The following ACBD4 variants were observed in gnomAD, a reference collection of about 807,000 sequenced individuals.
ACBD4 encodes acyl-CoA binding domain containing 4.
ACBD4 carries 41 observed loss-of-function variants against 46.0 expected under a neutral mutation model. The observed-to-expected ratio is 0.89, with a 90% CI of 0.69 to 1.16. ACBD4 has a LOEUF of 1.16. Ranked by LOEUF, ACBD4 falls within the 50% of genes most tolerant of loss-of-function variation. The probability of loss-of-function intolerance (pLI) is 0.00; values close to 1 mark genes in which losing one functional copy is unlikely to be tolerated. For missense variants in ACBD4, 393 were observed against 399.5 expected, an observed-to-expected ratio of 0.98 and a Z score of 0.14; for synonymous variants, 162 against 155.9, an observed-to-expected ratio of 1.04 and a Z score of -0.29.
At chr17:45,136,891 C>T (rs1334135480) in intron 4 of ACBD4, 115 bp downstream of exon 4, 10 of 1,578,680 alleles carry the variant, frequency 6.3e-6, no homozygotes, top group Non-Finnish European at 8.7e-6. Flanking sequence ...TCACCACCTT[C>T]ATGTTACCCC....
chr17:45,133,173 G>T (rs1400096483), upstream of ACBD4: 1 of 152,324 alleles, frequency 6.6e-6, no homozygotes, highest in Non-Finnish European at 1.5e-5. Context: ...GGCACCCGCG[G>T]TGTAGTTGTC....
Position 45,143,545 on chromosome 17 carries a change from C to T in ACBD4, c.892C>T (p.Arg298Ter), listed in dbSNP as rs764739977. 2 of 1,614,094 alleles carry T rather than the reference C, an allele frequency of 1.2e-6. No individual in the cohort carries two copies. Among genetic ancestry groups the T allele is most frequent in the South Asian group, 1.1e-5 (1 of 91,088 alleles). Reference sequence around the variant, plus strand: ...GCCCTTCGTCGTCCAGTGGCTCTTCCGAATGTTTCGGACCCAAAAGAGGTG... The same window carrying T: ...GCCCTTCGTCGTCCAGTGGCTCTTCTGAATGTTTCGGACCCAAAAGAGGTG... ...LWPFVVQWLF[R>*]MFRTQKR is the part of the protein sequence containing the mutation. Residue 298 changes from arginine to a stop codon, truncating the protein, a stop_gained, in exon 10 of 10, where the codon CGA becomes TGA. Transcript: ENST00000321854. LOFTEE classifies it high-confidence loss of function.
At chr17:45,138,872 C>G in intron 8 of ACBD4, 149 bp from the exon 9 acceptor site, 1 of 795,714 alleles carries the variant, frequency 1.3e-6, no homozygotes, top group Non-Finnish European at 2.0e-6. Context: ...CATTACTCAG[C>G]TACATAGATG....
At chr17:45,140,195 TG>T (rs1435523736) in intron 9 of ACBD4, among the ~76,000 whole-genome samples, 1 of 151,726 alleles carries the variant, frequency 6.6e-6, no homozygotes, top group Non-Finnish European at 1.5e-5. Context: ...TTTTGTTTTT[TG>T]TTTTTGAGAT....
upstream of ACBD4, among the ~76,000 whole-genome samples, chr17:45,132,095 C>A (rs2054464998): frequency 6.6e-6 from 1 of 152,202 alleles, no homozygotes; most frequent in African/African-American, 2.4e-5. This position sits in a 1 kb window ranked among gnomAD's most constrained non-coding sequence, Gnocchi z 4.6. Flanking sequence ...CCAGGTGCGA[C>A]CCCCAGCTGG....
upstream of ACBD4, among the ~76,000 whole-genome samples, chr17:45,131,835 C>A (rs1038339893): frequency 6.6e-6 from 1 of 152,202 alleles, no homozygotes; most frequent in African/African-American, 2.4e-5. Context: ...GCCTCTTCTG[C>A]GGAGGCCGAC....
chr17:45,137,499 A>T (rs1372960917), intron 6 of ACBD4, 45 bp downstream of exon 6: 113 of 1,490,590 alleles, frequency 7.6e-5, no homozygotes, highest in Non-Finnish European at 9.7e-5. Flanking sequence ...AGGCTGGGGG[A>T]GGGCTGGAGG....
intron 9 of ACBD4, among the ~76,000 whole-genome samples, chr17:45,142,421 A>G (rs1292219326): frequency 2.3e-5 from 3 of 127,748 alleles, no homozygotes; most frequent in Non-Finnish European, 5.0e-5. Flanking sequence ...AAAAAAAAAG[A>G]AAGAAAGAAA....
In ACBD4 at chr17:45,136,588, C is replaced by G. The variant is rs376859282; in HGVS notation, c.177C>G (p.Pro59=). 1.9e-6 allele frequency: 3 copies of G among 1,613,860 alleles called. No homozygotes were observed. Among genetic ancestry groups the G allele is most frequent in the East Asian group, 4.5e-5 (2 of 44,906 alleles). ...TGGGGCCCTGCCTGGTCCCCCGGCC[C>G]GGGTTCTGGGACCCCATTGGACGAT... The part of the protein sequence containing the change: ...ATMGPCLVPR[P]GFWDPIGRYK... The change falls in exon 3 of 10, where the codon CCC becomes CCG. Residue 59 remains proline, a synonymous_variant. Coordinates refer to ENST00000321854, the MANE Select transcript of ACBD4 (RefSeq NM_001135705.3).
upstream of ACBD4, chr17:45,132,304 G>T: frequency 7.9e-7 from 1 of 1,258,022 alleles, no homozygotes; most frequent in Non-Finnish European, 1.0e-6. The surrounding 1 kb of genome is among the most constrained non-coding windows in gnomAD (Gnocchi z 4.6). Flanking sequence ...GGAGGGAGTC[G>T]GCGGGGACGG....
intron 9 of ACBD4, among the ~76,000 whole-genome samples, chr17:45,140,270 G>C (rs1382944357): frequency 1.3e-5 from 2 of 149,940 alleles, no homozygotes; most frequent in Admixed American, 1.3e-4. Flanking sequence ...TGCAACCTCC[G>C]CCTCCCGGGT....
At chr17:45,138,841 G>A (rs1162056089) in intron 8 of ACBD4, among the ~76,000 whole-genome samples, 180 bp from the exon 9 acceptor site, 1 of 151,974 alleles carries the variant, frequency 6.6e-6, no homozygotes, top group East Asian at 1.9e-4. Context: ...CGGCCATGCT[G>A]GGATTAAACC....
chr17:45,136,683 T>G lies in ACBD4; in HGVS notation c.210-9T>G. Reference sequence around the variant, plus strand: ...GTCAAGCAGCCCTCTCACAGCCCTCTGCCCCCAGGGACGCCTGGAACAGTC... The same window carrying G: ...GTCAAGCAGCCCTCTCACAGCCCTCGGCCCCCAGGGACGCCTGGAACAGTC... On this transcript the variant is annotated splice_polypyrimidine_tract_variant and intron_variant, in intron 3 of 9. Coordinates refer to ENST00000321854, the MANE Select transcript of ACBD4 (RefSeq NM_001135705.3). The G allele has an allele frequency of 6.2e-7, 1 of 1,614,108 alleles. No homozygotes were observed.
chr17:45,137,710 C>T, intron 6 of ACBD4, 50 bp from the exon 7 acceptor site: 5 of 1,601,280 alleles, frequency 3.1e-6, no homozygotes, highest in Non-Finnish European at 4.3e-6. Flanking sequence ...CACTCCTGCT[C>T]TCCCTCCACA....
rs1276556412 is a variant in ACBD4 at position 45,143,522 on chromosome 17, C to T, written c.869C>T (p.Pro290Leu). The T allele has an allele frequency of 6.2e-7, 1 of 1,613,950 alleles. No homozygotes were observed. The highest frequency in any genetic ancestry group is 1.1e-5 in the South Asian group (1 of 91,078). ...GCGCTGCTCTTCTTCCTCCTGTGGCCCTTCGTCGTCCAGTGGCTCTTCCGA... is the reference window on the plus strand; with the variant it reads ...GCGCTGCTCTTCTTCCTCCTGTGGCTCTTCGTCGTCCAGTGGCTCTTCCGA... ...GPALLFFLLW[P>L]FVVQWLFRMF... The change falls in exon 10 of 10, where the codon CCC (proline) becomes CTC (leucine). Residue 290 changes from proline to leucine, a missense_variant. By Grantham distance (98) the Pro-to-Leu change is moderately conservative (BLOSUM62 -3). This residue lies in a region of ACBD4 where 308 missense variants were observed against 301.8 expected (regional missense o/e 1.02). Coordinates refer to ENST00000321854, the MANE Select transcript of ACBD4 (RefSeq NM_001135705.3).
At position 45,143,580 on chromosome 17, in the gene ACBD4, G is replaced by C. The variant is rs561642464; in HGVS notation, c.*9G>C. On this transcript the variant is annotated 3_prime_UTR_variant, in exon 10 of 10. Transcript: ENST00000321854. ...GGACCCAAAAGAGGTGACTGTCAGT[G>C]GAGGGGTCTCTGCAGCCAACTGAGA... 18 of 1,614,064 alleles carry C rather than the reference G, an allele frequency of 1.1e-5. No individual in the cohort carries two copies. In the South Asian group the frequency reaches 1.8e-4, roughly 16 times the overall value.
upstream of ACBD4, among the ~76,000 whole-genome samples, chr17:45,134,914 C>T (rs1598060731): frequency 1.3e-5 from 2 of 152,050 alleles, no homozygotes; most frequent in Admixed American, 6.5e-5. Flanking sequence ...TCCCCCCCTC[C>T]CCAGTACCCT....
intron 8 of ACBD4, chr17:45,138,505 C>T (rs968983917): frequency 1.0e-4 from 19 of 184,516 alleles, no homozygotes; most frequent in Admixed American, 8.0e-4. Flanking sequence ...AAGTTAATGA[C>T]TTTGGCCGGG....
Position 45,138,001 on chromosome 17 carries a change from C to T in ACBD4, c.649+13C>T. The stretch of plus-strand genomic sequence containing the variant: ...CCCACAAAGAAAGGTGAGCTCCTAC[C>T]CAACCTCTCACCCACTTCTGCCCTT... On this transcript the variant is annotated intron_variant, in intron 8 of 9. Coordinates refer to ENST00000321854, the MANE Select transcript of ACBD4 (RefSeq NM_001135705.3). The T allele has an allele frequency of 6.2e-7, 1 of 1,610,512 alleles. No individual in the cohort carries two copies. Among genetic ancestry groups the T allele is most frequent in the Non-Finnish European group, 8.5e-7 (1 of 1,178,584 alleles).
Sources: gnomAD v4.1 joint callset for allele counts (sites outside exome capture counted in the v4.1 genomes callset) on GRCh38, gnomAD v4.1.1 for gene constraint, gnomAD v4.1.1 regional missense constraint, Gnocchi (gnomAD v3.1) non-coding constraint, MANE v1.5 for transcripts, NCBI Gene and HGNC (gene_info 2026-07-23, HGNC 2026-07-21) for gene names.